The following ARHGAP26 variants were observed in gnomAD, a reference collection of about 807,000 sequenced individuals.
ARHGAP26 encodes the protein rho GTPase-activating protein 26.
ARHGAP26 carries 38 observed loss-of-function variants against 104.8 expected under a neutral mutation model. That is an observed-to-expected ratio of 0.36 (90% CI 0.28 to 0.48). The LOEUF is 0.48. Among genes scored for constraint, ARHGAP26 ranks in the 20% least tolerant of loss-of-function variants. The pLI, the probability that ARHGAP26 is intolerant of heterozygous loss-of-function variation, is 0.99. For synonymous variants in ARHGAP26, 341 were observed against 340.0 expected (o/e 1.00, Z -0.03); for missense variants, 704 against 947.9 (o/e 0.74, Z 3.38).
At chr5:142,952,230 G>T (rs778325222) in intron 11 of ARHGAP26, among the ~76,000 whole-genome samples, 7 of 152,020 alleles carry the variant, frequency 4.6e-5, no homozygotes, top group Non-Finnish European at 1.0e-4. Context: ...TCCTTTTGTG[G>T]GCCACCATTC....
intron 20 of ARHGAP26, among the ~76,000 whole-genome samples, chr5:143,189,623 A>T (rs1341571862): frequency 6.6e-6 from 1 of 152,166 alleles, no homozygotes; most frequent in African/African-American, 2.4e-5. Flanking sequence ...TACTTCCAAT[A>T]AGTGTTTGTT....
intron 1 of ARHGAP26, among the ~76,000 whole-genome samples, chr5:142,865,750 A>G (rs754682249): frequency 2.0e-5 from 3 of 152,142 alleles, no homozygotes; most frequent in Non-Finnish European, 4.4e-5. Context: ...CTGTATAACA[A>G]TCCAGTTCCC....
At chr5:143,201,482 G>C (rs1470115673) in intron 20 of ARHGAP26, among the ~76,000 whole-genome samples, 1 of 152,164 alleles carries the variant, frequency 6.6e-6, no homozygotes, top group Non-Finnish European at 1.5e-5. Context: ...AAATTTGTCT[G>C]TTTTGTTTTG....
intron 1 of ARHGAP26, among the ~76,000 whole-genome samples, chr5:142,818,349 C>A (rs1056113971): frequency 3.1e-4 from 47 of 152,366 alleles, no homozygotes; most frequent in African/African-American, 1.1e-3. Flanking sequence ...AGCCTCTTAC[C>A]TCTGCACACC....
intron 20 of ARHGAP26, among the ~76,000 whole-genome samples, chr5:143,186,807 G>T (rs548482189): frequency 6.6e-6 from 1 of 152,324 alleles, no homozygotes; most frequent in South Asian, 2.1e-4. Flanking sequence ...AAGACAGGAA[G>T]TAATCCTAGA....
At chr5:142,847,087 C>T (rs920996738) in intron 1 of ARHGAP26, among the ~76,000 whole-genome samples, 2 of 152,076 alleles carry the variant, frequency 1.3e-5, no homozygotes, top group African/African-American at 4.8e-5. Flanking sequence ...GCACCTTGGG[C>T]AAATCACTGT....
At chr5:142,914,478 AG>A (rs1246791281) in intron 10 of ARHGAP26, among the ~76,000 whole-genome samples, 1 of 152,260 alleles carries the variant, frequency 6.6e-6, no homozygotes, top group African/African-American at 2.4e-5. Flanking sequence ...TGAAGTTCCC[AG>A]GATGGTTATA....
chr5:142,961,193 T>G (rs978409209), intron 11 of ARHGAP26, among the ~76,000 whole-genome samples: 12 of 152,072 alleles, frequency 7.9e-5, no homozygotes, highest in African/African-American at 2.9e-4. Flanking sequence ...TGTTGGAGAT[T>G]TAAAAAATGG....
chr5:142,832,230 T>G (rs1370624832), intron 1 of ARHGAP26, among the ~76,000 whole-genome samples: 3 of 152,176 alleles, frequency 2.0e-5, no homozygotes, highest in Admixed American at 6.5e-5. Context: ...CTGCCAAAAT[T>G]TGTATGTTGA....
intron 20 of ARHGAP26, among the ~76,000 whole-genome samples, chr5:143,177,437 G>A (rs148828812): frequency 4.6e-5 from 7 of 152,262 alleles, no homozygotes; most frequent in South Asian, 2.1e-4. Flanking sequence ...ATGCCAAGAC[G>A]CTCAGTCATG....
In ARHGAP26 at chr5:142,794,261, T is replaced by C. The variant is rs77028777; in HGVS notation, c.154+23346T>C. On this transcript the variant is annotated intron_variant, in intron 1 of 22. Coordinates refer to ENST00000645722, the MANE Select transcript of ARHGAP26 (RefSeq NM_001135608.3). ...CTGTGCTCATCCTTGAGATAATCCCTGAAGCCGACCTGACCCAGCCCCAGA... is the reference window on the plus strand; with the variant it reads ...CTGTGCTCATCCTTGAGATAATCCCCGAAGCCGACCTGACCCAGCCCCAGA... Among the ~76,000 whole-genome samples the C allele has an allele frequency of 5.3e-5, 8 of 152,318 alleles. No homozygotes were observed. The East Asian group carries it at 1.5e-3, about 29-fold the overall frequency.
chr5:142,771,223 G>T, intron 1 of ARHGAP26: 1 of 1,260,824 alleles, frequency 7.9e-7, no homozygotes, highest in Non-Finnish European at 1.0e-6. Context: ...CCAGCAGTGG[G>T]GCCAGAGTGC....
chr5:143,209,644 G>T (rs1809124081), intron 21 of ARHGAP26, among the ~76,000 whole-genome samples: 1 of 152,124 alleles, frequency 6.6e-6, no homozygotes, highest in Admixed American at 6.5e-5. Context: ...AGCCAGGCAT[G>T]GTGGTGGGCG....
At chr5:142,953,896 G>A (rs1768786806) in intron 11 of ARHGAP26, among the ~76,000 whole-genome samples, 1 of 152,178 alleles carries the variant, frequency 6.6e-6, no homozygotes, top group Admixed American at 6.5e-5. Flanking sequence ...AACCTTGGTT[G>A]ACATCGTCCA....
intron 22 of ARHGAP26, 72 bp from the exon 23 acceptor site, chr5:143,222,271 ACACACACACACACCC>A (rs1554274738): frequency 9.8e-6 from 7 of 711,080 alleles, no homozygotes; most frequent in South Asian, 2.8e-5. Context: ...ACACACACAC[ACACACACACACACCC>A]CACACACACA....
intron 1 of ARHGAP26, among the ~76,000 whole-genome samples, chr5:142,776,987 G>A (rs1756459770): frequency 6.6e-6 from 1 of 152,116 alleles, no homozygotes; most frequent in Non-Finnish European, 1.5e-5. Flanking sequence ...ATCTCGTTGT[G>A]GTTTTAATTT....
intron 1 of ARHGAP26, among the ~76,000 whole-genome samples, chr5:142,862,709 T>C (rs1753581095): frequency 6.6e-6 from 1 of 152,194 alleles, no homozygotes; most frequent in Non-Finnish European, 1.5e-5. Context: ...GCTTGACTTC[T>C]CTGGCTCTTT....
chr5:143,180,334 C>T (rs572217357), intron 20 of ARHGAP26, among the ~76,000 whole-genome samples: 1 of 152,220 alleles, frequency 6.6e-6, no homozygotes, highest in South Asian at 2.1e-4. Context: ...CCATGTTGGC[C>T]AGGATGGTCT....
At chr5:142,866,009 G>A (rs150614416) in intron 1 of ARHGAP26, among the ~76,000 whole-genome samples, 78 of 150,744 alleles carry the variant, frequency 5.2e-4, no homozygotes, top group African/African-American at 1.9e-3. Context: ...CAGCTCAAAC[G>A]CTACTCCCTG....
Sources: allele counts gnomAD v4.1 joint callset (sites outside exome capture counted in the v4.1 genomes callset), GRCh38; gene constraint gnomAD v4.1.1; transcripts MANE v1.5; gene names NCBI Gene and HGNC (gene_info 2026-07-23, HGNC 2026-07-21).